Variants in NBPF3 observed in about 807,000 individuals in gnomAD.
NBPF3 encodes NBPF family member NBPF3.
Under a neutral mutation model 78.1 loss-of-function variants are expected in NBPF3, and 57 were observed. That is an observed-to-expected ratio of 0.73 (90% confidence interval 0.59 to 0.91). NBPF3 has a LOEUF of 0.91. Among genes scored for constraint, NBPF3 ranks in the 40% least tolerant of loss-of-function variants. The probability of loss-of-function intolerance (pLI) is 0.00; values close to 1 mark genes in which losing one functional copy is unlikely to be tolerated. For synonymous variants in NBPF3, 182 were observed against 271.7 expected, an observed-to-expected ratio of 0.67 and a Z score of 3.25; for missense variants, 510 against 715.3, an observed-to-expected ratio of 0.71 and a Z score of 3.27.
In NBPF3 at chr1:21,484,697, C is replaced by G. The variant is rs2651410; in HGVS notation, c.*1311C>G. The G allele has an allele frequency of 3.2e-3, 206 of 64,662 alleles. 36 individuals are homozygous for G. Among genetic ancestry groups the G allele is most frequent in the African/African-American group, 7.5e-3 (186 of 24,790 alleles). 4.0% of individuals were successfully genotyped at this position (64,662 alleles called of 1,614,324 possible). On this transcript the variant is annotated 3_prime_UTR_variant, in exon 15 of 15. Transcript: ENST00000318249. ...TGTCCTGTATTCCAGTGATCATCCT[C>G]TAAACGTTTTATCATTTATTAATCA...
intron 1 of NBPF3, among the ~76,000 whole-genome samples, chr1:21,442,950 C>A (rs1640745890): frequency 6.6e-6 from 1 of 152,190 alleles, no homozygotes; most frequent in Non-Finnish European, 1.5e-5. Flanking sequence ...GTGTGAGCCA[C>A]CCCACCTGGC....
At position 21,473,572 on chromosome 1, in the gene NBPF3, A is replaced by G. The variant is rs373276794; in HGVS notation, c.927A>G (p.Val309=). 1.1e-5 allele frequency: 18 copies of G among 1,613,942 alleles called. No homozygotes were observed. Among genetic ancestry groups the G allele is most frequent in the African/African-American group, 6.7e-5 (5 of 74,946 alleles). ...CTCATGATGAATGGTTGGATGCTGT[A>G]TGCATTATCCCAGGTAGCCTCTATT... ...SSSHDEWLDA[V]CIIPENESDH... The change falls in exon 7 of 15, where the codon GTA becomes GTG. Residue 309 remains valine, a synonymous_variant. Transcript: ENST00000318249.
chr1:21,440,199 C>T lies in NBPF3; in HGVS notation c.-289C>T, dbSNP rs1558468820. On this transcript the variant is annotated 5_prime_UTR_variant, in exon 1 of 15. Transcript: ENST00000318249. ...GTACTGGGATGGGTAGGTGAGGATCCCGAGACTGAGTGAGCTTCTGCGCGC... is the reference window on the plus strand; with the variant it reads ...GTACTGGGATGGGTAGGTGAGGATCTCGAGACTGAGTGAGCTTCTGCGCGC... The T allele has an allele frequency of 1.3e-5, 2 of 151,810 alleles. No individual in the cohort carries two copies. The highest frequency in any genetic ancestry group is 1.3e-4 in the Admixed American group (2 of 15,250). The allele number at this position is 151,810 out of a possible 1,614,324, so 9.4% of individuals were successfully genotyped here. A position where few individuals can be genotyped will look rare whatever the true frequency, so the allele number is the denominator to read the frequency against.
Position 21,468,866 on chromosome 1 carries a change from C to T in NBPF3, c.312C>T (p.Ala104=). The T allele has an allele frequency of 6.2e-7, 1 of 1,614,162 alleles. No homozygotes were observed. The highest frequency in any genetic ancestry group is 8.5e-7 in the Non-Finnish European group (1 of 1,180,016). Residue 104 remains alanine, a synonymous_variant, in exon 3 of 15, where the codon GCC becomes GCT. Transcript: ENST00000318249. Reference sequence around the variant, plus strand: ...AGAAATGTCTTGTAACTCAAGTGGCCTACTTCCTGGCCAACCGGCAAAATA... The same window carrying T: ...AGAAATGTCTTGTAACTCAAGTGGCTTACTTCCTGGCCAACCGGCAAAATA... The part of the protein sequence containing the change: ...LKQKCLVTQV[A]YFLANRQNNY...
intron 2 of NBPF3, among the ~76,000 whole-genome samples, chr1:21,463,239 C>G (rs558402314): frequency 2.8e-4 from 42 of 152,252 alleles, no homozygotes; most frequent in Middle Eastern, 3.4e-3. Flanking sequence ...GGCAAGCGTT[C>G]TCAGAGAGGT....
upstream of NBPF3, among the ~76,000 whole-genome samples, chr1:21,438,097 G>A (rs558162679): frequency 5.3e-4 from 80 of 151,842 alleles, no homozygotes; most frequent in Admixed American, 5.9e-4. Flanking sequence ...TGGGATTACA[G>A]GCGTGAGCCA....
intron 11 of NBPF3, 29 bp from the exon 12 acceptor site, chr1:21,480,901 T>C (rs1197846166): frequency 6.5e-7 from 1 of 1,532,086 alleles, no homozygotes; most frequent in African/African-American, 1.4e-5. Flanking sequence ...TTGGCTTATC[T>C]TGTCTGTCCC....
At chr1:21,477,830 G>A (rs1469698535) in intron 8 of NBPF3, among the ~76,000 whole-genome samples, 5 of 152,156 alleles carry the variant, frequency 3.3e-5, no homozygotes, top group African/African-American at 7.2e-5. Flanking sequence ...CAATTTAGAC[G>A]AAGTAGTTGA....
chr1:21,464,706 A>G (rs1256843936), intron 2 of NBPF3, among the ~76,000 whole-genome samples: 1 of 150,764 alleles, frequency 6.6e-6, no homozygotes, highest in Non-Finnish European at 1.5e-5. Context: ...AAAAAAAAAA[A>G]GAAAGTAAAA....
chr1:21,463,233 A>G (rs900805225), intron 2 of NBPF3, among the ~76,000 whole-genome samples: 19 of 152,302 alleles, frequency 1.2e-4, no homozygotes, highest in African/African-American at 4.6e-4. Flanking sequence ...TGGGCTGGCA[A>G]GCGTTCTCAG....
At chr1:21,470,789 A>G in intron 4 of NBPF3, 55 bp downstream of exon 4, 1 of 1,217,816 alleles carries the variant, frequency 8.2e-7, no homozygotes, top group Non-Finnish European at 1.2e-6. Flanking sequence ...TATCTGAAGT[A>G]CAGCAGCTCG....
chr1:21,470,420 T>C (rs1261917014), intron 3 of NBPF3, among the ~76,000 whole-genome samples: 1 of 152,230 alleles, frequency 6.6e-6, no homozygotes, highest in Non-Finnish European at 1.5e-5. Context: ...ACTTCCTTGA[T>C]GTGCCTTGAG....
rs1320147695 is a variant in NBPF3, at chr1:21,441,930, T to C, written c.-140+1582T>C. ...TACCCCACATCCTCGCTGATGCCTG[T>C]CAGTTAAAAATCATTTTGCCATTCT... On this transcript the variant is annotated intron_variant, in intron 1 of 14. Coordinates refer to ENST00000318249, the MANE Select transcript of NBPF3 (RefSeq NM_032264.6). Among the ~76,000 whole-genome samples, 3 of 152,326 alleles carry C rather than the reference T, an allele frequency of 2.0e-5. No homozygotes were observed. The East Asian group carries it at 5.8e-4, about 29-fold the overall frequency.
At chr1:21,477,066 A>G (rs889587399) in intron 8 of NBPF3, among the ~76,000 whole-genome samples, 1 of 152,036 alleles carries the variant, frequency 6.6e-6, no homozygotes, top group Non-Finnish European at 1.5e-5. Flanking sequence ...ACTTGATCGA[A>G]TCGGCTACTG....
At position 21,473,603 on chromosome 1, in the gene NBPF3, G is replaced by A. The variant is rs767170688; in HGVS notation, c.940+18G>A. The stretch of plus-strand genomic sequence containing the variant: ...TATCCCAGGTAGCCTCTATTTTCCT[G>A]TGTCTCACACCTTTTCCTATGCTGA... On this transcript the variant is annotated intron_variant, in intron 7 of 14. Transcript: ENST00000318249. The A allele has an allele frequency of 6.3e-6, 10 of 1,599,110 alleles. No individual in the cohort carries two copies. In the Admixed American group the frequency reaches 1.7e-4, roughly 27 times the overall value.
At chr1:21,456,185 G>A (rs971971105) in intron 2 of NBPF3, among the ~76,000 whole-genome samples, 14 of 152,142 alleles carry the variant, frequency 9.2e-5, no homozygotes, top group Non-Finnish European at 2.9e-5. Context: ...CAAAGTGATC[G>A]ATCAGACAGT....
chr1:21,466,621 T>TGG (rs1159987472), intron 2 of NBPF3, among the ~76,000 whole-genome samples: 2 of 152,256 alleles, frequency 1.3e-5, no homozygotes, highest in Non-Finnish European at 2.9e-5. Context: ...TGCAGACACT[T>TGG]GGGAATTTTG....
upstream of NBPF3, chr1:21,437,420 C>T: frequency 8.2e-7 from 1 of 1,224,540 alleles, no homozygotes; most frequent in Non-Finnish European, 1.1e-6. Flanking sequence ...AAACGTAGGC[C>T]TAGAGGAACA....
intron 2 of NBPF3, among the ~76,000 whole-genome samples, chr1:21,450,996 C>T (rs1641276155): frequency 1.3e-5 from 2 of 152,238 alleles, no homozygotes; most frequent in South Asian, 2.1e-4. Context: ...TAATTAGGAT[C>T]GACAGCCTGG....
Sources: gnomAD v4.1 joint callset for allele counts (sites outside exome capture counted in the v4.1 genomes callset) on GRCh38, gnomAD v4.1.1 for gene constraint, MANE v1.5 for transcripts, NCBI Gene and HGNC (gene_info 2026-07-23, HGNC 2026-07-21) for gene names.